ARHGAP24: variants seen among roughly 807,000 people sequenced by gnomAD.
ARHGAP24 encodes rho GTPase-activating protein 24.
Under a neutral mutation model 76.4 loss-of-function variants are expected in ARHGAP24, and 50 were observed. That is an observed-to-expected ratio of 0.65 (90% confidence interval 0.52 to 0.83). ARHGAP24 has a LOEUF of 0.83. ARHGAP24 is among the 40% of genes least tolerant of loss of function. The pLI is 0.00. For synonymous variants in ARHGAP24, 345 were observed against 323.3 expected (o/e 1.07, Z -0.72); for missense variants, 930 against 914.2 (o/e 1.02, Z -0.22).
chr4:85,835,634 A>G (rs1730239693), intron 3 of ARHGAP24, among the ~76,000 whole-genome samples: 1 of 151,980 alleles, frequency 6.6e-6, no homozygotes, highest in South Asian at 2.1e-4. Flanking sequence ...ACGGCTGCTA[A>G]TGAGGTGGAA....
At chr4:85,798,980 G>T (rs147594782) in intron 3 of ARHGAP24, among the ~76,000 whole-genome samples, 1 of 152,134 alleles carries the variant, frequency 6.6e-6, no homozygotes, top group Non-Finnish European at 1.5e-5. Flanking sequence ...TGCAAATAAA[G>T]AGGACAGAAA....
chr4:85,743,344 C>T (rs11722392), intron 3 of ARHGAP24, among the ~76,000 whole-genome samples: 19,583 of 138,036 alleles, frequency 0.14, 1,733 homozygotes, highest in East Asian at 0.37. Flanking sequence ...TGTGGTGACT[C>T]ACTCCTGTAA....
At position 85,733,725 on chromosome 4, in the gene ARHGAP24, G is replaced by C. The variant is rs150300313; in HGVS notation, c.268+11753G>C. On this transcript the variant is annotated intron_variant, in intron 3 of 9. Coordinates refer to ENST00000395184, the MANE Select transcript of ARHGAP24 (RefSeq NM_001025616.3). ...TCTCCTTCTCCCTGTGTCTTCACAG[G>C]GTCTTCCCTCAGTGCCCTTCTGTGT... 1.9e-3 allele frequency among the ~76,000 whole-genome samples: 289 copies of C among 152,108 alleles called. 2 individuals carry two copies. Among genetic ancestry groups the C allele is most frequent in the African/African-American group, 6.6e-3 (273 of 41,478 alleles).
At chr4:85,526,294 A>G (rs1251774315) in intron 1 of ARHGAP24, among the ~76,000 whole-genome samples, 1 of 151,456 alleles carries the variant, frequency 6.6e-6, no homozygotes, top group African/African-American at 2.4e-5. Context: ...CTGGCTACTC[A>G]GGAGGCTGTG....
At chr4:85,754,178 G>T (rs1251924729) in intron 3 of ARHGAP24, among the ~76,000 whole-genome samples, 1 of 152,130 alleles carries the variant, frequency 6.6e-6, no homozygotes, top group Non-Finnish European at 1.5e-5. Flanking sequence ...AAAACAAGTG[G>T]TATTTGTCTT....
rs199528525 is a variant in ARHGAP24, at chr4:85,649,037, T to TGTG, written c.181-72848_181-72847insGTG. ...TGTGTGTGTGTGTGTGTGTGTGTGTTTGTGTGTGTGTGCTTATATTCTATT... is the reference window on the plus strand; with the variant it reads ...TGTGTGTGTGTGTGTGTGTGTGTGTTGTGTGTGTGTGTGTGCTTATATTCTATT... On this transcript the variant is annotated intron_variant, in intron 2 of 9. Transcript: ENST00000395184. Among the ~76,000 whole-genome samples the TGTG allele has an allele frequency of 6.0e-3, 670 of 111,154 alleles. 9 individuals are homozygous for TGTG. Among genetic ancestry groups the TGTG allele is most frequent in the African/African-American group, 0.02 (623 of 30,870 alleles). The allele number at this position is 111,154 out of a possible 152,430, so 72.9% of individuals were successfully genotyped here. A position where few individuals can be genotyped will look rare whatever the true frequency, so the allele number is the denominator to read the frequency against.
intron 2 of ARHGAP24, among the ~76,000 whole-genome samples, chr4:85,629,398 A>G: frequency 6.6e-6 from 1 of 152,320 alleles, no homozygotes; most frequent in East Asian, 1.9e-4. Context: ...TATCTTTATA[A>G]TAATAGAGTC....
At chr4:85,553,646 T>C (rs971429301) in intron 1 of ARHGAP24, among the ~76,000 whole-genome samples, 10 of 152,212 alleles carry the variant, frequency 6.6e-5, no homozygotes, top group African/African-American at 2.4e-4. Context: ...ATCCTTTGGC[T>C]AGACAGAAAA....
chr4:85,860,513 C>T (rs374671472), intron 3 of ARHGAP24, among the ~76,000 whole-genome samples: 19 of 152,192 alleles, frequency 1.2e-4, no homozygotes, highest in African/African-American at 4.6e-4. Flanking sequence ...GCTTTTACTG[C>T]ATGTGTCTCT....
At chr4:85,528,355 A>G (rs1431437090) in intron 1 of ARHGAP24, among the ~76,000 whole-genome samples, 2 of 152,108 alleles carry the variant, frequency 1.3e-5, no homozygotes, top group East Asian at 3.9e-4. Context: ...TTTTAATTGT[A>G]ATAGCCCAAT....
At chr4:85,596,891 T>C (rs1016284444) in intron 2 of ARHGAP24, among the ~76,000 whole-genome samples, 2 of 152,104 alleles carry the variant, frequency 1.3e-5, no homozygotes, top group Non-Finnish European at 2.9e-5. Context: ...TTTGTTTCAT[T>C]ATTTAACTAG....
chr4:85,945,354 G>A (rs768806716), intron 5 of ARHGAP24, among the ~76,000 whole-genome samples: 39 of 152,214 alleles, frequency 2.6e-4, no homozygotes, highest in Admixed American at 2.4e-3. Context: ...TGTTGGCCAG[G>A]CTGGTCTCAA....
intron 2 of ARHGAP24, among the ~76,000 whole-genome samples, chr4:85,672,481 C>T (rs1722845406): frequency 6.6e-6 from 1 of 152,078 alleles, no homozygotes. Context: ...CCTCCTCCTA[C>T]CTATCCGTCC....
At chr4:85,638,325 T>C (rs1295827758) in intron 2 of ARHGAP24, among the ~76,000 whole-genome samples, 2 of 152,156 alleles carry the variant, frequency 1.3e-5, no homozygotes, top group African/African-American at 4.8e-5. Context: ...ACTTACTGGT[T>C]TTAGTTCAGC....
At chr4:85,870,659 A>T (rs990263938) in intron 3 of ARHGAP24, among the ~76,000 whole-genome samples, 32 of 151,992 alleles carry the variant, frequency 2.1e-4, no homozygotes, top group African/African-American at 7.0e-4. Flanking sequence ...TTATGTGGGG[A>T]TAGTTATCTA....
Position 85,709,461 on chromosome 4 carries a change from G to A in ARHGAP24, c.181-12424G>A, listed in dbSNP as rs147438875. Among the ~76,000 whole-genome samples, 500 of 151,924 alleles carry A rather than the reference G, an allele frequency of 3.3e-3. 3 individuals carry two copies. The highest frequency in any genetic ancestry group is 0.011 in the African/African-American group (473 of 41,432). ...AATTCTTAGTAAATTAGGAATAGAG[G>A]GGAACCCCTTGAAATGTTAAAGAGC... On this transcript the variant is annotated intron_variant, in intron 2 of 9. Transcript: ENST00000395184.
chr4:85,655,818 A>AGAGAGAAAGAGGG (rs1237643654), intron 2 of ARHGAP24, among the ~76,000 whole-genome samples: 1 of 35,506 alleles, frequency 2.8e-5, no homozygotes, highest in Non-Finnish European at 5.1e-5. Flanking sequence ...GAGAGAGAGA[A>AGAGAGAAAGAGGG]AGAGAGAGAG....
chr4:85,856,165 A>G (rs1731545601), intron 3 of ARHGAP24, among the ~76,000 whole-genome samples: 1 of 152,066 alleles, frequency 6.6e-6, no homozygotes, highest in African/African-American at 2.4e-5. Context: ...TAATGGGTGC[A>G]TGGTGCTATT....
chr4:85,818,066 CATT>C, intron 3 of ARHGAP24, among the ~76,000 whole-genome samples: 1 of 152,210 alleles, frequency 6.6e-6, no homozygotes, highest in Middle Eastern at 3.4e-3. Flanking sequence ...GTTTAAATGA[CATT>C]ATATCAAGAA....
Sources: gnomAD v4.1 joint callset for allele counts (sites outside exome capture counted in the v4.1 genomes callset) on GRCh38, gnomAD v4.1.1 for gene constraint, MANE v1.5 for transcripts, NCBI Gene and HGNC (gene_info 2026-07-23, HGNC 2026-07-21) for gene names.